The following HECW1 variants were observed in gnomAD, a reference collection of about 807,000 sequenced individuals.
HECW1 encodes the protein E3 ubiquitin-protein ligase HECW1.
A neutral mutation model predicts 182.3 loss-of-function variants in HECW1; 61 were observed. The ratio of observed to expected loss-of-function variants is 0.33; its 90% CI spans 0.27 to 0.41. HECW1 has a LOEUF of 0.41. Ranked by LOEUF, HECW1 falls within the 10% of genes least tolerant of loss-of-function variation. The probability of loss-of-function intolerance (pLI) is 1.00; values close to 1 mark genes in which losing one functional copy is unlikely to be tolerated. For missense variants in HECW1, 1,739 were observed against 2,108.9 expected, an observed-to-expected ratio of 0.82 and a Z score of 3.44; for synonymous variants, 859 against 832.6, an observed-to-expected ratio of 1.03 and a Z score of -0.55.
intron 26 of HECW1, among the ~76,000 whole-genome samples, chr7:43,543,191 G>A (rs1490526274): frequency 6.6e-6 from 1 of 152,206 alleles, no homozygotes; most frequent in East Asian, 1.9e-4. Context: ...CCTAAAGTCT[G>A]TGACATAAGG....
At chr7:43,469,541 A>C (rs2077932091) in intron 16 of HECW1, among the ~76,000 whole-genome samples, 1 of 152,036 alleles carries the variant, frequency 6.6e-6, no homozygotes, top group Admixed American at 6.5e-5. Flanking sequence ...ATTTGTTGTG[A>C]TTTCTCTAAT....
intron 6 of HECW1, among the ~76,000 whole-genome samples, chr7:43,361,860 G>C (rs147556874): frequency 1.6e-5 from 2 of 126,170 alleles, no homozygotes; most frequent in Non-Finnish European, 3.2e-5. Context: ...AAAAAAACAG[G>C]CCAGGCGCAG....
intron 2 of HECW1, among the ~76,000 whole-genome samples, chr7:43,165,709 ACAAT>A (rs1451883985): frequency 2.0e-5 from 3 of 152,174 alleles, no homozygotes; most frequent in Non-Finnish European, 2.9e-5. Context: ...TAGTTTCCTT[ACAAT>A]CAATCATGCC....
At chr7:43,553,082 G>A (rs932727103) in intron 28 of HECW1, among the ~76,000 whole-genome samples, 5 of 152,170 alleles carry the variant, frequency 3.3e-5, no homozygotes, top group Non-Finnish European at 7.3e-5. Context: ...GGTTCTAACC[G>A]TGGCCTTCAC....
chr7:43,559,768 C>A (rs1292168172), intron 29 of HECW1, among the ~76,000 whole-genome samples: 1 of 152,150 alleles, frequency 6.6e-6, no homozygotes, highest in African/African-American at 2.4e-5. Context: ...CTGTCAGAAC[C>A]ACACCTGGAG....
intron 3 of HECW1, among the ~76,000 whole-genome samples, chr7:43,264,701 A>G (rs892516149): frequency 2.6e-5 from 4 of 151,996 alleles, no homozygotes; most frequent in African/African-American, 4.8e-5. Flanking sequence ...AAAATTAGCC[A>G]GGTGTGGTGG....
intron 8 of HECW1, among the ~76,000 whole-genome samples, chr7:43,410,279 T>G (rs1442437972): frequency 6.6e-6 from 1 of 152,190 alleles, no homozygotes; most frequent in African/African-American, 2.4e-5. Context: ...TGGGTTCTGG[T>G]GAGGGCCTCT....
intron 2 of HECW1, among the ~76,000 whole-genome samples, chr7:43,189,672 C>T (rs1361056182): frequency 1.3e-5 from 2 of 151,918 alleles, no homozygotes; most frequent in African/African-American, 4.8e-5. Context: ...TTTCTGGAGG[C>T]ATTTTATTGT....
intron 7 of HECW1, among the ~76,000 whole-genome samples, chr7:43,401,484 T>G (rs6972018): frequency 0.16 from 24,404 of 151,166 alleles, 2,603 homozygotes; most frequent in Non-Finnish European, 0.24. Flanking sequence ...TTTTGAGTAT[T>G]TAAATTAAAG....
intron 13 of HECW1, among the ~76,000 whole-genome samples, chr7:43,458,559 AAAAGAAAAGG>A (rs1281037571): frequency 3.3e-5 from 5 of 152,348 alleles, no homozygotes; most frequent in South Asian, 2.1e-4. Flanking sequence ...TGGACAGATA[AAAAGAAAAGG>A]AATTTAGCAC....
intron 7 of HECW1, among the ~76,000 whole-genome samples, chr7:43,404,551 G>T (rs2075538879): frequency 6.6e-6 from 1 of 152,224 alleles, no homozygotes; most frequent in African/African-American, 2.4e-5. Context: ...ATGAAGACAT[G>T]TTGGTGCAGA....
chr7:43,346,327 A>ACTT (rs1054511097), intron 5 of HECW1, among the ~76,000 whole-genome samples: 4 of 151,882 alleles, frequency 2.6e-5, no homozygotes, highest in African/African-American at 4.8e-5. Context: ...TCCTTAGCCC[A>ACTT]CTTTTTGATG....
chr7:43,447,010 A>G (rs935631130), intron 11 of HECW1, among the ~76,000 whole-genome samples: 2 of 152,154 alleles, frequency 1.3e-5, no homozygotes, highest in African/African-American at 4.8e-5. Flanking sequence ...CAACAAAAGG[A>G]GATTGGGGGA....
intron 2 of HECW1, among the ~76,000 whole-genome samples, chr7:43,164,286 G>C (rs1356733162): frequency 6.6e-6 from 1 of 152,202 alleles, no homozygotes; most frequent in Non-Finnish European, 1.5e-5. Context: ...TTATTTTTAT[G>C]ATTTATTTAT....
intron 2 of HECW1, among the ~76,000 whole-genome samples, chr7:43,176,684 T>A (rs1250663754): frequency 6.6e-6 from 1 of 152,238 alleles, no homozygotes; most frequent in Non-Finnish European, 1.5e-5. Context: ...GGTTAACCCA[T>A]GCATGAGGGC....
At chr7:43,280,481 A>G (rs1166951174) in intron 3 of HECW1, among the ~76,000 whole-genome samples, 1 of 152,232 alleles carries the variant, frequency 6.6e-6, no homozygotes, top group Non-Finnish European at 1.5e-5. Context: ...CCTCAATCCC[A>G]GGCCACTGAG....
intron 3 of HECW1, among the ~76,000 whole-genome samples, chr7:43,257,793 G>C (rs551456843): frequency 6.6e-6 from 1 of 152,210 alleles, no homozygotes; most frequent in Admixed American, 6.5e-5. Flanking sequence ...TAGATGACTT[G>C]AGGCAAGTTA....
At chr7:43,237,825 C>T (rs1024636020) in intron 2 of HECW1, among the ~76,000 whole-genome samples, 3 of 142,644 alleles carry the variant, frequency 2.1e-5, no homozygotes, top group Non-Finnish European at 4.5e-5. Context: ...TGCAATTCAC[C>T]AGTCTTTCCC....
At chr7:43,196,963 A>G (rs1583918135) in intron 2 of HECW1, among the ~76,000 whole-genome samples, 1 of 152,230 alleles carries the variant, frequency 6.6e-6, no homozygotes, top group South Asian at 2.1e-4. Flanking sequence ...TATTCATTTC[A>G]TAAAAGCACC....
Sources: allele counts gnomAD v4.1 joint callset (sites outside exome capture counted in the v4.1 genomes callset), GRCh38; gene constraint gnomAD v4.1.1; transcripts MANE v1.5; gene names NCBI Gene and HGNC (gene_info 2026-07-23, HGNC 2026-07-21).